PRPF3: variants seen among roughly 807,000 people sequenced by gnomAD.
PRPF3 encodes the protein pre-mRNA processing factor 3, also known as U4/U6 small nuclear ribonucleoprotein Prp3.
In PRPF3, 3 loss-of-function variants were observed where a neutral mutation model predicts 89.2. The observed-to-expected ratio is 0.03, with a 90% confidence interval of 0.02 to 0.09. The LOEUF (loss-of-function observed/expected upper bound fraction) is 0.09, where lower values mean the gene tolerates loss of function less well. Ranked by LOEUF, PRPF3 falls within the 10% of genes least tolerant of loss-of-function variation. The pLI is 1.00. For synonymous variants in PRPF3, 270 were observed against 289.1 expected, an observed-to-expected ratio of 0.93 and a Z score of 0.67; for missense variants, 463 against 828.8, an observed-to-expected ratio of 0.56 and a Z score of 5.42.
At chr1:150,323,894 AGCCTCCCGAG>A (rs1655397437) in intron 1 of PRPF3, among the ~76,000 whole-genome samples, 1 of 147,574 alleles carries the variant, frequency 6.8e-6, no homozygotes, top group African/African-American at 2.5e-5. Context: ...CTCTTGTCTC[AGCCTCCCGAG>A]TAGCTGGGAT....
chr1:150,353,051 A>C lies in PRPF3; in HGVS notation c.*72A>C, dbSNP rs1659104278. 1.9e-6 allele frequency: 3 copies of C among 1,583,860 alleles called. No homozygotes were observed. In the Admixed American group the frequency reaches 5.0e-5, roughly 26 times the overall value. ...GTCCTCTCACTTATTCTATTTCCCA[A>C]CCCCCTCCCACTTGTTTGTGTGATC... is the stretch of plus-strand genomic sequence containing the variant. On this transcript the variant is annotated 3_prime_UTR_variant, in exon 16 of 16. Coordinates refer to ENST00000324862, the MANE Select transcript of PRPF3 (RefSeq NM_004698.4).
At position 150,332,673 on chromosome 1, in the gene PRPF3, C is replaced by T. The variant is rs782092024; in HGVS notation, c.424-11C>T. 13 of 1,613,646 alleles carry T rather than the reference C, an allele frequency of 8.1e-6. No homozygotes were observed. The highest frequency in any genetic ancestry group is 4.4e-5 in the South Asian group (4 of 91,072). On this transcript the variant is annotated splice_polypyrimidine_tract_variant and intron_variant, in intron 4 of 15. Coordinates refer to ENST00000324862, the MANE Select transcript of PRPF3 (RefSeq NM_004698.4). ...AATTAACAGTTTTTCAATTTTTTTC[C>T]TGGAGAGCAGATCAAACAGATGATG...
At chr1:150,325,135 A>G in intron 2 of PRPF3, 48 bp downstream of exon 2, 2 of 1,599,816 alleles carry the variant, frequency 1.3e-6, no homozygotes, top group South Asian at 2.2e-5. Flanking sequence ...GGTGACCCCA[A>G]ACACTGCTTT....
chr1:150,325,112 T>C, intron 2 of PRPF3, 25 bp downstream of exon 2: 1 of 1,611,042 alleles, frequency 6.2e-7, no homozygotes, highest in Non-Finnish European at 8.5e-7. Flanking sequence ...GCATCTTTTA[T>C]CTTAACATAT....
chr1:150,336,830 C>CGTAGA (rs1333936461), intron 7 of PRPF3, among the ~76,000 whole-genome samples: 2 of 151,522 alleles, frequency 1.3e-5, no homozygotes, highest in African/African-American at 4.8e-5. Flanking sequence ...TTCGTTTCTA[C>CGTAGA]ATAAGTGGAA....
At chr1:150,323,195 T>TTTTTTTTTTTC (rs1655289223) in intron 1 of PRPF3, among the ~76,000 whole-genome samples, 1 of 139,460 alleles carries the variant, frequency 7.2e-6, no homozygotes, top group Non-Finnish European at 1.6e-5. Flanking sequence ...TTTTTTTTTT[T>TTTTTTTTTTTC]TTGGAGACAC....
At chr1:150,332,830 C>A in intron 5 of PRPF3, 63 bp downstream of exon 5, 2 of 1,568,740 alleles carry the variant, frequency 1.3e-6, no homozygotes, top group Non-Finnish European at 1.7e-6. Flanking sequence ...GCCATCCACT[C>A]AAAATGAGAG....
intron 1 of PRPF3, among the ~76,000 whole-genome samples, chr1:150,324,598 T>G (rs1655493457): frequency 6.6e-6 from 1 of 150,970 alleles, no homozygotes; most frequent in South Asian, 2.1e-4. Context: ...TCGCCCAGGC[T>G]GGAGTGCAGT....
chr1:150,352,403 C>T (rs1237578870), intron 15 of PRPF3, among the ~76,000 whole-genome samples: 9 of 152,210 alleles, frequency 5.9e-5, no homozygotes, highest in Non-Finnish European at 2.9e-5. Context: ...CGGTGGCTCA[C>T]GCCTATAATC....
At chr1:150,327,436 TA>T in intron 3 of PRPF3, 1 of 233,572 alleles carries the variant, frequency 4.3e-6, no homozygotes, top group South Asian at 1.6e-4. Flanking sequence ...GTGGGATTAA[TA>T]AAAATGGCTT....
chr1:150,323,565 A>G (rs1434945909), intron 1 of PRPF3, among the ~76,000 whole-genome samples: 1 of 150,806 alleles, frequency 6.6e-6, no homozygotes, highest in Non-Finnish European at 1.5e-5. Context: ...AACCCAGGAG[A>G]TGGAGGTTGC....
chr1:150,327,543 T>G lies in PRPF3; in HGVS notation c.277-777T>G, dbSNP rs1384690530. On this transcript the variant is annotated intron_variant, in intron 3 of 15. Transcript: ENST00000324862. ...ACAATATATTATGGGAGAGTCCTTT[T>G]TCTTGAACTGTAGGAGTTCCAGGAA... 1.0e-5 allele frequency: 10 copies of G among 984,416 alleles called. No individual in the cohort carries two copies. In the Admixed American group the frequency reaches 3.7e-4, roughly 36 times the overall value. 61.0% of individuals were successfully genotyped at this position (984,416 alleles called of 1,614,324 possible). A position where few individuals can be genotyped will look rare whatever the true frequency, so the allele number is the denominator to read the frequency against.
chr1:150,347,100 G>T (rs1232241232), intron 14 of PRPF3, among the ~76,000 whole-genome samples: 1 of 151,352 alleles, frequency 6.6e-6, no homozygotes, highest in African/African-American at 2.4e-5. Context: ...TCAAAAAAAA[G>T]AAAAAGCAAA....
At chr1:150,343,265 A>G (rs782755825) in intron 9 of PRPF3, 44 bp from the exon 10 acceptor site, 8 of 1,335,920 alleles carry the variant, frequency 6.0e-6, no homozygotes, top group Admixed American at 1.9e-5. Flanking sequence ...ATATATATAT[A>G]TGTATTCTTA....
intron 4 of PRPF3, among the ~76,000 whole-genome samples, chr1:150,331,081 A>G (rs1656319060): frequency 6.6e-6 from 1 of 151,826 alleles, no homozygotes; most frequent in Non-Finnish European, 1.5e-5. Context: ...ACTGTTGCCT[A>G]GGCTGGAGTG....
chr1:150,332,021 G>A (rs587730864), intron 4 of PRPF3, among the ~76,000 whole-genome samples: 3 of 152,048 alleles, frequency 2.0e-5, no homozygotes, highest in South Asian at 2.1e-4. Flanking sequence ...TCAGGAGATC[G>A]AGACCATCCT....
chr1:150,349,438 T>A (rs1658663011), intron 15 of PRPF3, among the ~76,000 whole-genome samples: 1 of 152,206 alleles, frequency 6.6e-6, no homozygotes, highest in Admixed American at 6.6e-5. Flanking sequence ...TCTGGGGAAG[T>A]GCGTGGACAG....
chr1:150,329,369 G>A (rs1244730919), intron 4 of PRPF3, among the ~76,000 whole-genome samples: 7 of 152,180 alleles, frequency 4.6e-5, no homozygotes, highest in Admixed American at 2.0e-4. Flanking sequence ...ATGTTTTAGC[G>A]TTCTTTGATT....
At chr1:150,352,393 C>T (rs1659021670) in intron 15 of PRPF3, among the ~76,000 whole-genome samples, 1 of 152,190 alleles carries the variant, frequency 6.6e-6, no homozygotes. Context: ...AGGCCGGGCG[C>T]GGTGGCTCAC....
Sources: gnomAD v4.1 joint callset for allele counts (sites outside exome capture counted in the v4.1 genomes callset) on GRCh38, gnomAD v4.1.1 for gene constraint, MANE v1.5 for transcripts, NCBI Gene and HGNC (gene_info 2026-07-23, HGNC 2026-07-21) for gene names.